The following SSTR2 variants were observed in gnomAD, a reference collection of about 807,000 sequenced individuals.
The protein encoded by SSTR2 is somatostatin receptor 2.
A neutral mutation model predicts 21.4 loss-of-function variants in SSTR2; 10 were observed. That is an observed-to-expected ratio of 0.47 (90% CI 0.29 to 0.79). The LOEUF (loss-of-function observed/expected upper bound fraction) is 0.79, where lower values mean the gene tolerates loss of function less well. Ranked by LOEUF, SSTR2 falls within the 30% of genes least tolerant of loss-of-function variation. SSTR2 has a pLI of 0.10. For missense variants in SSTR2, 364 were observed against 468.8 expected (o/e 0.78, Z 2.06); for synonymous variants, 177 against 181.3 (o/e 0.98, Z 0.19).
rs1292371017 is a variant in SSTR2 at position 73,172,512 on chromosome 17, C to T, written c.*2083C>T. The T allele has an allele frequency of 6.6e-6, 1 of 152,208 alleles. No homozygotes were observed. Among genetic ancestry groups the T allele is most frequent in the South Asian group, 2.1e-4 (1 of 4,832 alleles). 9.4% of individuals were successfully genotyped at this position (152,208 alleles called of 1,614,324 possible). On this transcript the variant is annotated 3_prime_UTR_variant, in exon 2 of 2. Transcript: ENST00000357585. Reference sequence around the variant, plus strand: ...GCTGCTTTTGTTCTGTATAAATTCACACCACCTCACTCCCAAAAGTACTTC... The same window carrying T: ...GCTGCTTTTGTTCTGTATAAATTCATACCACCTCACTCCCAAAAGTACTTC...
intron 1 of SSTR2, among the ~76,000 whole-genome samples, chr17:73,166,468 G>A (rs2236750): frequency 0.63 from 94,408 of 150,130 alleles, 31,700 homozygotes; most frequent in Non-Finnish European, 0.75. Context: ...GCAGGTGCGT[G>A]AGACCATTCT....
At chr17:73,168,254 C>A (rs1280152155) in intron 1 of SSTR2, 1 of 152,212 alleles carries the variant, frequency 6.6e-6, no homozygotes, top group Non-Finnish European at 1.5e-5. Flanking sequence ...TGAATTATAT[C>A]AGTACTGGAA....
rs1394460851 is a variant in SSTR2, at chr17:73,175,780, A to AT, written c.*5351_*5352insT. The AT allele has an allele frequency of 6.6e-6, 1 of 152,226 alleles. No individual in the cohort carries two copies. Among genetic ancestry groups the AT allele is most frequent in the East Asian group, 1.9e-4 (1 of 5,202 alleles). The allele number at this position is 152,226 out of a possible 1,614,324, so 9.4% of individuals were successfully genotyped here. The stretch of plus-strand genomic sequence containing the variant: ...GATAAAATTGTTCTATCCTTTTAGA[A>AT]AAGCCTGTTAAGGAATATGATGCAA... On this transcript the variant is annotated 3_prime_UTR_variant, in exon 2 of 2. Coordinates refer to ENST00000357585, the MANE Select transcript of SSTR2 (RefSeq NM_001050.3).
rs2061249119 is a variant in SSTR2, at chr17:73,176,480, A to T, written c.*6051A>T. The T allele has an allele frequency of 6.6e-6, 1 of 152,152 alleles. No homozygotes were observed. The highest frequency in any genetic ancestry group is 2.4e-5 in the African/African-American group (1 of 41,434). 9.4% of individuals were successfully genotyped at this position (152,152 alleles called of 1,614,324 possible). On this transcript the variant is annotated 3_prime_UTR_variant, in exon 2 of 2. Transcript: ENST00000357585. Reference sequence around the variant, plus strand: ...TCTCACGAGATCTGATGGTTTTATAAGGGGCTTTCCCCCTCCTTCGCTCTG... The same window carrying T: ...TCTCACGAGATCTGATGGTTTTATATGGGGCTTTCCCCCTCCTTCGCTCTG...
In SSTR2 at chr17:73,170,257, C is replaced by G. The variant is rs762038675; in HGVS notation, c.938C>G (p.Ala313Gly). 1.2e-6 allele frequency: 2 copies of G among 1,614,100 alleles called. No individual in the cohort carries two copies. The highest frequency in any genetic ancestry group is 2.7e-5 in the African/African-American group (2 of 75,032). ...ANSCANPILY[A>G]FLSDNFKKSF... is the part of the protein sequence containing the mutation. ...AGCTGTGCCAACCCTATCCTATATG[C>G]CTTCTTGTCTGACAACTTCAAGAAG... Residue 313 changes from alanine (A) to glycine (G), a missense_variant, in exon 2 of 2, where the codon GCC becomes GGC. Physicochemically the swap from Ala to Gly is moderately conservative, Grantham distance 60. Coordinates refer to ENST00000357585, the MANE Select transcript of SSTR2 (RefSeq NM_001050.3).
At position 73,170,142 on chromosome 17, in the gene SSTR2, T is replaced by C; in HGVS notation, c.823T>C (p.Phe275Leu). 6.2e-7 allele frequency: 1 copy of C among 1,614,178 alleles called. No homozygotes were observed. ...FIFCWLPFYI[F>L]NVSSVSMAIS... ...CTTCTGCTGGCTTCCCTTCTACATATTCAACGTTTCTTCCGTCTCCATGGC... is the reference window on the plus strand; with the variant it reads ...CTTCTGCTGGCTTCCCTTCTACATACTCAACGTTTCTTCCGTCTCCATGGC... Residue 275 changes from phenylalanine to leucine, a missense_variant, in exon 2 of 2, where the codon TTC becomes CTC. This residue lies in a region of SSTR2 where 193 missense variants were observed against 273.1 expected (regional missense o/e 0.71). Transcript: ENST00000357585.
chr17:73,166,466 G>A (rs776199408), intron 1 of SSTR2, among the ~76,000 whole-genome samples: 6 of 151,950 alleles, frequency 3.9e-5, no homozygotes, highest in Non-Finnish European at 7.4e-5. Flanking sequence ...GGGCAGGTGC[G>A]TGAGACCATT....
At position 73,174,480 on chromosome 17, in the gene SSTR2, C is replaced by A. The variant is rs1034844502; in HGVS notation, c.*4051C>A. ...GTGGCTCACACCTGTGATCTCAGCA[C>A]TTTGGGAGGCCGAGGCTGGGGAATC... is the stretch of plus-strand genomic sequence containing the variant. On this transcript the variant is annotated 3_prime_UTR_variant, in exon 2 of 2. Transcript: ENST00000357585. The A allele has an allele frequency of 2.0e-5, 3 of 151,542 alleles. No individual in the cohort carries two copies. Among genetic ancestry groups the A allele is most frequent in the Admixed American group, 1.3e-4 (2 of 15,204 alleles). 9.4% of individuals were successfully genotyped at this position (151,542 alleles called of 1,614,324 possible). A position where few individuals can be genotyped will look rare whatever the true frequency, so the allele number is the denominator to read the frequency against.
At position 73,169,672 on chromosome 17, in the gene SSTR2, T is replaced by C. The variant is rs762618797; in HGVS notation, c.353T>C (p.Val118Ala). The part of the protein sequence containing the change: ...WPFGKAICRV[V>A]MTVDGINQFT... ...TTTGGCAAGGCCATTTGCCGGGTGGTCATGACTGTGGATGGCATCAATCAG... is the reference window on the plus strand; with the variant it reads ...TTTGGCAAGGCCATTTGCCGGGTGGCCATGACTGTGGATGGCATCAATCAG... Residue 118 changes from valine (V) to alanine (A), a missense_variant, in exon 2 of 2, where the codon GTC becomes GCC. Around this residue, in one of 4 missense-constraint regions of SSTR2, gnomAD observed 193 missense variants for 273.1 expected, o/e 0.71. Transcript: ENST00000357585. The surrounding 1 kb of genome is among the most constrained non-coding windows in gnomAD (Gnocchi z 5.2). 6.2e-7 allele frequency: 1 copy of C among 1,614,200 alleles called. No individual in the cohort carries two copies. Among genetic ancestry groups the C allele is most frequent in the South Asian group, 1.1e-5 (1 of 91,082 alleles).
Position 73,170,354 on chromosome 17 carries a change from G to C in SSTR2, c.1035G>C (p.Gln345His). Residue 345 changes from glutamine to histidine, a missense_variant, in exon 2 of 2, where the codon CAG becomes CAC. Gln to His is a conservative substitution (Grantham distance 24). Around this residue, in one of 4 missense-constraint regions of SSTR2, gnomAD observed 71 missense variants for 53.8 expected, o/e 1.32. Coordinates refer to ENST00000357585, the MANE Select transcript of SSTR2 (RefSeq NM_001050.3). Reference protein sequence around the residue: ...TDDGERSDSKQDKSRLNETTE... With the variant: ...TDDGERSDSKHDKSRLNETTE... The stretch of plus-strand genomic sequence containing the variant: ...ATGGGGAGCGGAGTGACAGTAAGCA[G>C]GACAAATCCCGGCTGAATGAGACCA... 6.2e-7 allele frequency: 1 copy of C among 1,613,998 alleles called. No individual in the cohort carries two copies. Among genetic ancestry groups the C allele is most frequent in the Non-Finnish European group, 8.5e-7 (1 of 1,180,010 alleles).
chr17:73,171,382 GA>G lies in SSTR2; in HGVS notation c.*958del, dbSNP rs142827588. Reference sequence around the variant, plus strand: ...GTTTTTCTTAGGGAGCTATGAGGGGGAAAAATCACTAACATGAAAGGCAAAA... The same window carrying G: ...GTTTTTCTTAGGGAGCTATGAGGGGGAAAATCACTAACATGAAAGGCAAAA... On this transcript the variant is annotated 3_prime_UTR_variant, in exon 2 of 2. Coordinates refer to ENST00000357585, the MANE Select transcript of SSTR2 (RefSeq NM_001050.3). The G allele has an allele frequency of 1.2e-5, 2 of 166,700 alleles. No individual in the cohort carries two copies. Among genetic ancestry groups the G allele is most frequent in the African/African-American group, 2.4e-5 (1 of 41,372 alleles). The allele number at this position is 166,700 out of a possible 1,614,324, so 10.3% of individuals were successfully genotyped here.
Position 73,170,681 on chromosome 17 carries a change from G to T in SSTR2, c.*252G>T. The T allele has an allele frequency of 1.5e-6, 1 of 668,700 alleles. No individual in the cohort carries two copies. The highest frequency in any genetic ancestry group is 2.8e-6 in the Non-Finnish European group (1 of 355,904). 41.4% of individuals were successfully genotyped at this position (668,700 alleles called of 1,614,324 possible). On this transcript the variant is annotated 3_prime_UTR_variant, in exon 2 of 2. Transcript: ENST00000357585. ...AGACAATTCAAAGTCTGGAGAAGAG[G>T]GATCATGCCTGGATATGATCTTTAG...
At position 73,173,850 on chromosome 17, in the gene SSTR2, T is replaced by A. The variant is rs1377307788; in HGVS notation, c.*3421T>A. On this transcript the variant is annotated 3_prime_UTR_variant, in exon 2 of 2. Coordinates refer to ENST00000357585, the MANE Select transcript of SSTR2 (RefSeq NM_001050.3). ...CGTGTAGATGAAGCTTTAGCAGGGCTGGGCACGGTGGCTCATGCCTGTAAT... is the reference window on the plus strand; with the variant it reads ...CGTGTAGATGAAGCTTTAGCAGGGCAGGGCACGGTGGCTCATGCCTGTAAT... 6.6e-6 allele frequency: 1 copy of A among 152,268 alleles called. No homozygotes were observed. The highest frequency in any genetic ancestry group is 1.5e-5 in the Non-Finnish European group (1 of 68,108). 9.4% of individuals were successfully genotyped at this position (152,268 alleles called of 1,614,324 possible).
chr17:73,175,559 T>C lies in SSTR2; in HGVS notation c.*5130T>C, dbSNP rs1296801500. ...ATCCGCCTGCCTCAGTGTCCCAAAG[T>C]GTTGGGATTACAGGCACGAGCCACC... On this transcript the variant is annotated 3_prime_UTR_variant, in exon 2 of 2. Transcript: ENST00000357585. 2.0e-5 allele frequency: 3 copies of C among 152,168 alleles called. No homozygotes were observed. Among genetic ancestry groups the C allele is most frequent in the African/African-American group, 7.2e-5 (3 of 41,402 alleles). The allele number at this position is 152,168 out of a possible 1,614,324, so 9.4% of individuals were successfully genotyped here.
At chr17:73,167,232 C>T (rs557011080) in intron 1 of SSTR2, among the ~76,000 whole-genome samples, 2 of 152,262 alleles carry the variant, frequency 1.3e-5, no homozygotes, top group South Asian at 2.1e-4. Flanking sequence ...TGCTTTTTTA[C>T]GCAATGCAGA....
At position 73,172,226 on chromosome 17, in the gene SSTR2, A is replaced by C. The variant is rs1179018269; in HGVS notation, c.*1797A>C. 1 of 152,118 alleles carries C rather than the reference A, an allele frequency of 6.6e-6. No homozygotes were observed. Among genetic ancestry groups the C allele is most frequent in the Non-Finnish European group, 1.5e-5 (1 of 68,016 alleles). The allele number at this position is 152,118 out of a possible 1,614,324, so 9.4% of individuals were successfully genotyped here. On this transcript the variant is annotated 3_prime_UTR_variant, in exon 2 of 2. Transcript: ENST00000357585. The stretch of plus-strand genomic sequence containing the variant: ...TAAAGTGGCATTTTTTTCGTTCCCC[A>C]AACTGACATTTACAAGCGATAAGAA...
chr17:73,170,934 A>G lies in SSTR2; in HGVS notation c.*505A>G, dbSNP rs1447062540. 2 of 364,876 alleles carry G rather than the reference A, an allele frequency of 5.5e-6. No individual in the cohort carries two copies. Among genetic ancestry groups the G allele is most frequent in the Admixed American group, 3.8e-5 (1 of 26,398 alleles). The allele number at this position is 364,876 out of a possible 1,614,324, so 22.6% of individuals were successfully genotyped here. ...GCAGAAATGGACTTACCGTGAAGCC[A>G]ATAAAGTTCAAGCTTCAGGGATCTC... On this transcript the variant is annotated 3_prime_UTR_variant, in exon 2 of 2. Transcript: ENST00000357585.
Position 73,169,638 on chromosome 17 carries a change from C to A in SSTR2, c.319C>A (p.His107Asn). The A allele has an allele frequency of 6.2e-7, 1 of 1,614,278 alleles. No homozygotes were observed. Among genetic ancestry groups the A allele is most frequent in the Non-Finnish European group, 8.5e-7 (1 of 1,180,056 alleles). The part of the protein sequence containing the change: ...PFLAMQVALV[H>N]WPFGKAICRV... The stretch of plus-strand genomic sequence containing the variant: ...CTTGGCTATGCAGGTGGCTCTGGTC[C>A]ACTGGCCCTTTGGCAAGGCCATTTG... The change falls in exon 2 of 2, where the codon CAC (histidine) becomes AAC (asparagine). Residue 107 changes from histidine (H) to asparagine (N), a missense_variant. By Grantham distance (68) the His-to-Asn change is moderately conservative. Transcript: ENST00000357585. This position sits in a 1 kb window ranked among gnomAD's most constrained non-coding sequence, Gnocchi z 5.2.
At position 73,176,496 on chromosome 17, in the gene SSTR2, CT is replaced by C. The variant is rs2061249182; in HGVS notation, c.*6069del. On this transcript the variant is annotated 3_prime_UTR_variant, in exon 2 of 2. Coordinates refer to ENST00000357585, the MANE Select transcript of SSTR2 (RefSeq NM_001050.3). ...GGTTTTATAAGGGGCTTTCCCCCTC[CT>C]TCGCTCTGCACTTCTCCTTGCTGCC... 6.6e-6 allele frequency: 1 copy of C among 152,206 alleles called. No homozygotes were observed. The highest frequency in any genetic ancestry group is 6.5e-5 in the Admixed American group (1 of 15,278). 9.4% of individuals were successfully genotyped at this position (152,206 alleles called of 1,614,324 possible).
Sources: gnomAD v4.1 joint callset for allele counts (sites outside exome capture counted in the v4.1 genomes callset) on GRCh38, gnomAD v4.1.1 for gene constraint, gnomAD v4.1.1 regional missense constraint, Gnocchi (gnomAD v3.1) non-coding constraint, MANE v1.5 for transcripts, NCBI Gene and HGNC (gene_info 2026-07-23, HGNC 2026-07-21) for gene names.